Variants in ESRRB observed in about 807,000 individuals in gnomAD.
ESRRB encodes the protein steroid hormone receptor ERR2.
Under a neutral mutation model 46.0 loss-of-function variants are expected in ESRRB, and 16 were observed. That is an observed-to-expected ratio of 0.35 (90% CI 0.24 to 0.53). ESRRB has a LOEUF of 0.53. Ranked by LOEUF, ESRRB falls within the 20% of genes least tolerant of loss-of-function variation. The probability of loss-of-function intolerance (pLI) is 0.93; values close to 1 mark genes in which losing one functional copy is unlikely to be tolerated. For missense variants in ESRRB, 488 were observed against 607.4 expected (o/e 0.80, Z 2.07); for synonymous variants, 246 against 259.6 (o/e 0.95, Z 0.50).
At chr14:76,458,473 C>A (rs1238873090) in intron 2 of ESRRB, among the ~76,000 whole-genome samples, 1 of 79,332 alleles carries the variant, frequency 1.3e-5, no homozygotes, top group Non-Finnish European at 2.8e-5. Context: ...CACACACAAA[C>A]ACACACACAT....
chr14:76,360,265 G>A (rs1215104291), intron 1 of ESRRB, among the ~76,000 whole-genome samples: 1 of 152,124 alleles, frequency 6.6e-6, no homozygotes, highest in Non-Finnish European at 1.5e-5. Context: ...GCACATCCTG[G>A]TACAGCCATG....
At chr14:76,410,490 C>G (rs1480496495) in intron 1 of ESRRB, among the ~76,000 whole-genome samples, 2 of 152,086 alleles carry the variant, frequency 1.3e-5, no homozygotes, top group African/African-American at 4.8e-5. Flanking sequence ...AAAAATTGTC[C>G]ATGTGCACTC....
intron 1 of ESRRB, among the ~76,000 whole-genome samples, chr14:76,358,397 A>AAGAAAGAAAGAG (rs1566859715): frequency 6.3e-5 from 8 of 127,046 alleles, no homozygotes; most frequent in African/African-American, 2.2e-4. Context: ...GAAAGAAAGA[A>AAGAAAGAAAGAG]AGAAAGAAAG....
intron 1 of ESRRB, among the ~76,000 whole-genome samples, chr14:76,363,974 G>A (rs2139774157): frequency 6.6e-6 from 1 of 152,324 alleles, no homozygotes; most frequent in East Asian, 1.9e-4. Flanking sequence ...ACCCAGCTCA[G>A]ATGAGAGGTG....
At chr14:76,372,851 GA>G (rs1393984913), upstream of ESRRB, among the ~76,000 whole-genome samples, 1 of 152,140 alleles carries the variant, frequency 6.6e-6, no homozygotes, top group Non-Finnish European at 1.5e-5. Flanking sequence ...GAAAAGAAAA[GA>G]AAAACTTGTC....
intron 2 of ESRRB, among the ~76,000 whole-genome samples, chr14:76,447,458 G>C (rs561296789): frequency 3.6e-4 from 55 of 152,120 alleles, no homozygotes; most frequent in African/African-American, 1.2e-3. Context: ...GGCTTCAGTT[G>C]TCTCTGAAAT....
chr14:76,440,471 A>G (rs952625495), intron 2 of ESRRB, among the ~76,000 whole-genome samples: 1 of 152,132 alleles, frequency 6.6e-6, no homozygotes, highest in Non-Finnish European at 1.5e-5. Context: ...TTCTCACTGT[A>G]GAAGACTCAG....
At chr14:76,393,594 A>G (rs959180108) in intron 1 of ESRRB, among the ~76,000 whole-genome samples, 3 of 152,188 alleles carry the variant, frequency 2.0e-5, no homozygotes, top group Non-Finnish European at 4.4e-5. Flanking sequence ...GGCCCCTGGC[A>G]GTCAGGAGAG....
intron 1 of ESRRB, among the ~76,000 whole-genome samples, chr14:76,337,391 G>A (rs911322293): frequency 2.0e-5 from 3 of 152,154 alleles, no homozygotes; most frequent in Admixed American, 6.5e-5. Flanking sequence ...GGAAGCATTC[G>A]TGGTGGTAGG....
At chr14:76,422,899 A>G (rs1410912068) in intron 1 of ESRRB, among the ~76,000 whole-genome samples, 1 of 152,206 alleles carries the variant, frequency 6.6e-6, no homozygotes. Flanking sequence ...TTGTTTACAC[A>G]GTGGGGTTCT....
At chr14:76,432,420 GCT>G (rs1253217280) in intron 1 of ESRRB, among the ~76,000 whole-genome samples, 1 of 152,192 alleles carries the variant, frequency 6.6e-6, no homozygotes, top group African/African-American at 2.4e-5. Flanking sequence ...CCAGATTTCT[GCT>G]CCCACTTTGT....
chr14:76,378,684 G>T (rs1356304325), intron 1 of ESRRB, among the ~76,000 whole-genome samples: 2 of 152,174 alleles, frequency 1.3e-5, no homozygotes, highest in African/African-American at 4.8e-5. Context: ...CCTAGGGAGG[G>T]TCTGCATGTG....
intron 1 of ESRRB, among the ~76,000 whole-genome samples, chr14:76,343,761 A>T (rs1219289579): frequency 6.6e-6 from 1 of 152,218 alleles, no homozygotes; most frequent in Non-Finnish European, 1.5e-5. Context: ...CATCGTTTCC[A>T]CTTCATTCTG....
chr14:76,348,382 G>A (rs1403983840), intron 1 of ESRRB, among the ~76,000 whole-genome samples: 1 of 152,140 alleles, frequency 6.6e-6, no homozygotes, highest in African/African-American at 2.4e-5. Flanking sequence ...CGTGAATATT[G>A]TTTCCGTCAT....
At chr14:76,474,280 A>G (rs1267500319) in intron 3 of ESRRB, among the ~76,000 whole-genome samples, 1 of 152,248 alleles carries the variant, frequency 6.6e-6, no homozygotes, top group Non-Finnish European at 1.5e-5. Context: ...AAAGGCAAGA[A>G]GTTACTACTG....
intron 1 of ESRRB, chr14:76,404,294 C>T (rs1244992551): frequency 2.6e-5 from 4 of 151,518 alleles, no homozygotes; most frequent in Non-Finnish European, 4.4e-5. Context: ...ATACATACCA[C>T]ACATAAATGT....
At chr14:76,332,446 C>T (rs1438202293) in intron 1 of ESRRB, among the ~76,000 whole-genome samples, 2 of 122,120 alleles carry the variant, frequency 1.6e-5, no homozygotes, top group African/African-American at 6.3e-5. Context: ...CTACAGGGTG[C>T]ACCACCATAT....
upstream of ESRRB, chr14:76,375,995 A>T (rs982205963): frequency 1.4e-5 from 2 of 141,270 alleles, no homozygotes; most frequent in Non-Finnish European, 3.0e-5. Flanking sequence ...GTCTCATTCC[A>T]TGAAGTCTCT....
chr14:76,439,180 C>T (rs1364746702), intron 1 of ESRRB, among the ~76,000 whole-genome samples, 161 bp from the exon 2 acceptor site: 1 of 152,212 alleles, frequency 6.6e-6, no homozygotes, highest in Non-Finnish European at 1.5e-5. Context: ...AACTTGCTCC[C>T]GGCTGCGCCG....
Sources: allele counts gnomAD v4.1 joint callset (sites outside exome capture counted in the v4.1 genomes callset), GRCh38; gene constraint gnomAD v4.1.1; transcripts MANE v1.5; gene names NCBI Gene and HGNC (gene_info 2026-07-23, HGNC 2026-07-21).